NLGN4X: variants seen among roughly 807,000 people sequenced by gnomAD.
The protein encoded by NLGN4X is neuroligin-4, X-linked.
A neutral mutation model predicts 40.3 loss-of-function variants in NLGN4X; 3 were observed. The ratio of observed to expected loss-of-function variants is 0.07; its 90% CI spans 0.03 to 0.19. The LOEUF (loss-of-function observed/expected upper bound fraction) is 0.19, where lower values mean the gene tolerates loss of function less well. Ranked by LOEUF, NLGN4X falls within the 10% of genes least tolerant of loss-of-function variation. The pLI is 1.00. For synonymous variants in NLGN4X, 270 were observed against 306.8 expected (o/e 0.88, Z 1.25); for missense variants, 382 against 708.3 (o/e 0.54, Z 5.23).
chrX:6,022,968 A>G (rs917547649), intron 3 of NLGN4X, among the ~76,000 whole-genome samples: 6 of 112,074 alleles, frequency 5.4e-5, no homozygotes, highest in Non-Finnish European at 1.1e-4. Context: ...TATGACTCCA[A>G]AGCGTCTAAT....
At chrX:5,903,922 C>A in intron 4 of NLGN4X, 56 bp from the exon 5 acceptor site, 1 of 1,176,879 alleles carries the variant, frequency 8.5e-7, no homozygotes, top group Non-Finnish European at 1.2e-6. Context: ...AGAAATGCAG[C>A]TTTTACTGAG....
At chrX:6,184,694 G>C (rs1921838557) in intron 1 of NLGN4X, among the ~76,000 whole-genome samples, 1 of 111,559 alleles carries the variant, frequency 9.0e-6, no homozygotes, top group African/African-American at 3.3e-5. Flanking sequence ...TCATCCCCTG[G>C]TGAAAACAGA....
At chrX:6,124,963 A>G (rs1243267106) in intron 2 of NLGN4X, among the ~76,000 whole-genome samples, 1 of 112,180 alleles carries the variant, frequency 8.9e-6, no homozygotes, top group Non-Finnish European at 1.9e-5. Flanking sequence ...TTAGAAATCA[A>G]TAGTAAAAAG....
intron 3 of NLGN4X, among the ~76,000 whole-genome samples, chrX:6,027,100 T>C (rs1447991823): frequency 8.9e-6 from 1 of 112,240 alleles, no homozygotes; most frequent in African/African-American, 3.2e-5. Flanking sequence ...CAGAAAAGCA[T>C]GCCCAAGCTT....
chrX:5,952,581 A>T (rs2034348695), intron 3 of NLGN4X, among the ~76,000 whole-genome samples: 1 of 110,700 alleles, frequency 9.0e-6, no homozygotes, highest in South Asian at 3.9e-4. Flanking sequence ...TCGAATTCCA[A>T]TTTTTCTAAA....
chrX:6,017,467 T>A (rs1457113936), intron 3 of NLGN4X, among the ~76,000 whole-genome samples: 1 of 111,793 alleles, frequency 8.9e-6, no homozygotes, highest in African/African-American at 3.3e-5. Flanking sequence ...ACCTAGAGGT[T>A]CGCAATATAT....
In NLGN4X at chrX:5,893,627, A is replaced by G. The variant is rs371132194; in HGVS notation, c.1641T>C (p.Ile547=). 69 of 1,209,310 alleles carry G rather than the reference A, an allele frequency of 5.7e-5. No homozygotes were observed. In the African/African-American group the frequency reaches 9.1e-4, roughly 16 times the overall value. Reference sequence around the variant, plus strand: ...CTTCAAAGCGGTTGGGTTTTGTGTGAATGAACTTGGTATCCTGAGGAACTG... The same window carrying G: ...CTTCAAAGCGGTTGGGTTTTGTGTGGATGAACTTGGTATCCTGAGGAACTG... ...NQPVPQDTKF[I]HTKPNRFEEV... is the part of the protein sequence containing the mutation. The change falls in exon 6 of 6, where the codon ATT becomes ATC. Residue 547 remains isoleucine, a synonymous_variant. Coordinates refer to ENST00000381095, the MANE Select transcript of NLGN4X (RefSeq NM_181332.3).
rs1382175127 is a variant in NLGN4X, at chrX:5,890,189, C to T, written c.*2628G>A. The T allele has an allele frequency of 2.8e-5, 5 of 180,893 alleles. No individual in the cohort carries two copies. The highest frequency in any genetic ancestry group is 8.7e-5 in the South Asian group (1 of 11,542). The allele number at this position is 180,893 out of a possible 1,213,427, so 14.9% of individuals were successfully genotyped here. A position where few individuals can be genotyped will look rare whatever the true frequency, so the allele number is the denominator to read the frequency against. On this transcript the variant is annotated 3_prime_UTR_variant, in exon 6 of 6. Coordinates refer to ENST00000381095, the MANE Select transcript of NLGN4X (RefSeq NM_181332.3). ...TAACCCAAGGAACCATTAAACCCTG[C>T]GTGCCTTTGAAGATCAAGAGTAAAA...
chrX:6,187,298 GA>G (rs1463065682), intron 1 of NLGN4X, among the ~76,000 whole-genome samples: 1 of 81,128 alleles, frequency 1.2e-5, no homozygotes, highest in East Asian at 4.2e-4. Flanking sequence ...CTAACACGGT[GA>G]AACCCCGTCC....
chrX:5,935,830 C>T (rs1385302674), intron 3 of NLGN4X, among the ~76,000 whole-genome samples: 2 of 111,686 alleles, frequency 1.8e-5, no homozygotes, highest in Non-Finnish European at 1.9e-5. Flanking sequence ...AATGCCAGGT[C>T]AAGAAGAACA....
In NLGN4X at chrX:5,948,985, T is replaced by C. The variant is rs778897811; in HGVS notation, c.626-39746A>G. 5.4e-5 allele frequency among the ~76,000 whole-genome samples: 6 copies of C among 111,630 alleles called. No homozygotes were observed. In the East Asian group the frequency reaches 1.7e-3, roughly 32 times the overall value. On this transcript the variant is annotated intron_variant, in intron 3 of 5. Coordinates refer to ENST00000381095, the MANE Select transcript of NLGN4X (RefSeq NM_181332.3). ...AAGCTACTGACTGGAGCACCATGCA[T>C]AGCCTCTCCATGGGGCTTGAACACT...
intron 3 of NLGN4X, among the ~76,000 whole-genome samples, chrX:5,954,634 G>GTCTCTCTCTCTCTC (rs200878268): frequency 1.1e-5 from 1 of 94,901 alleles, no homozygotes; most frequent in African/African-American, 3.9e-5. Flanking sequence ...CTCTGTCTCT[G>GTCTCTCTCTCTCTC]TCTCTCTCTC....
chrX:6,026,545 A>G (rs902999232), intron 3 of NLGN4X, among the ~76,000 whole-genome samples: 1 of 111,927 alleles, frequency 8.9e-6, no homozygotes, highest in African/African-American at 3.2e-5. Context: ...TCAAGAGGAC[A>G]ATAGTAAATG....
intron 2 of NLGN4X, among the ~76,000 whole-genome samples, chrX:6,094,682 A>G (rs960517752): frequency 2.7e-5 from 3 of 111,569 alleles, no homozygotes; most frequent in African/African-American, 9.8e-5. Context: ...TGCATCTCAA[A>G]TATTTCTACA....
chrX:5,980,812 C>G (rs1185573197), intron 3 of NLGN4X, among the ~76,000 whole-genome samples: 2 of 111,077 alleles, frequency 1.8e-5, no homozygotes, highest in Non-Finnish European at 3.8e-5. Context: ...TATACTAAGT[C>G]TTGAGCTCAG....
chrX:5,949,995 A>C (rs1005428933), intron 3 of NLGN4X, among the ~76,000 whole-genome samples: 1 of 111,863 alleles, frequency 8.9e-6, no homozygotes, highest in African/African-American at 3.3e-5. Context: ...AGAGGGAAAA[A>C]CGGCTTAGCA....
At chrX:6,143,513 A>G (rs942267861) in intron 2 of NLGN4X, among the ~76,000 whole-genome samples, 4 of 112,158 alleles carry the variant, frequency 3.6e-5, no homozygotes, top group Non-Finnish European at 7.5e-5. Flanking sequence ...GGAAAGAACA[A>G]TTTCGGTATT....
At chrX:6,218,984 G>A (rs768530069) in intron 1 of NLGN4X, among the ~76,000 whole-genome samples, 2 of 54,100 alleles carry the variant, frequency 3.7e-5, no homozygotes, top group South Asian at 7.2e-4. Context: ...TCCCTGATTC[G>A]GGAGTTCTTA....
chrX:5,984,580 G>A (rs1037181463), intron 3 of NLGN4X, among the ~76,000 whole-genome samples: 3 of 111,231 alleles, frequency 2.7e-5, no homozygotes, highest in Admixed American at 1.9e-4. Context: ...ACAGTGAAAC[G>A]GCAGAAACTC....
Sources: allele counts gnomAD v4.1 joint callset (sites outside exome capture counted in the v4.1 genomes callset), GRCh38; gene constraint gnomAD v4.1.1; transcripts MANE v1.5; gene names NCBI Gene and HGNC (gene_info 2026-07-23, HGNC 2026-07-21).